Variants in SP140L observed in about 807,000 individuals in gnomAD.
SP140L encodes nuclear body protein SP140-like protein.
A neutral mutation model predicts 84.3 loss-of-function variants in SP140L; 64 were observed. The observed-to-expected ratio is 0.76, with a 90% confidence interval of 0.62 to 0.94. The LOEUF (loss-of-function observed/expected upper bound fraction) is 0.94, where lower values mean the gene tolerates loss of function less well. Ranked by LOEUF, SP140L falls within the 40% of genes least tolerant of loss-of-function variation. SP140L has a pLI of 0.00. For synonymous variants in SP140L, 242 were observed against 236.9 expected (o/e 1.02, Z -0.20); for missense variants, 628 against 692.5 (o/e 0.91, Z 1.05).
chr2:230,388,921 G>C (rs1395715761), intron 10 of SP140L: 1 of 252,730 alleles, frequency 4.0e-6, no homozygotes, highest in Non-Finnish European at 7.6e-6. Context: ...CTGTATAAAG[G>C]GTATAACCCG....
intron 2 of SP140L, among the ~76,000 whole-genome samples, chr2:230,347,411 C>T (rs1393639607): frequency 6.6e-6 from 1 of 151,972 alleles, no homozygotes; most frequent in East Asian, 1.9e-4. Context: ...TATCAGGTAC[C>T]TGGGTTTGGT....
At chr2:230,370,622 T>C (rs1441307249) in intron 5 of SP140L, among the ~76,000 whole-genome samples, 3 of 152,128 alleles carry the variant, frequency 2.0e-5, no homozygotes, top group Non-Finnish European at 4.4e-5. Context: ...TATGATGTGA[T>C]GTACCAAGTA....
chr2:230,360,742 T>C (rs2060688529), intron 4 of SP140L, among the ~76,000 whole-genome samples: 1 of 152,158 alleles, frequency 6.6e-6, no homozygotes, highest in African/African-American at 2.4e-5. Flanking sequence ...CACTGTCACC[T>C]GCCTGGGGCA....
rs549800273 is a variant in SP140L, at chr2:230,398,644, C to T, written c.1198-1483C>T. Among the ~76,000 whole-genome samples, 3 of 152,362 alleles carry T rather than the reference C, an allele frequency of 2.0e-5. No homozygotes were observed. In the South Asian group the frequency reaches 6.2e-4, roughly 32 times the overall value. On this transcript the variant is annotated intron_variant, in intron 14 of 18. Coordinates refer to ENST00000415673, the MANE Select transcript of SP140L (RefSeq NM_138402.6). ...GTCCACCTCTGAACGTGTATCCTCA[C>T]TGGGGAACCTGAAAATCCAGATCAC...
At chr2:230,367,759 C>T (rs1256336433) in intron 5 of SP140L, among the ~76,000 whole-genome samples, 1 of 152,186 alleles carries the variant, frequency 6.6e-6, no homozygotes, top group African/African-American at 2.4e-5. Context: ...TGGTAAAACA[C>T]CATCTCTATG....
intron 2 of SP140L, among the ~76,000 whole-genome samples, chr2:230,347,216 G>A (rs2060234532): frequency 6.6e-6 from 1 of 152,142 alleles, no homozygotes; most frequent in African/African-American, 2.4e-5. Context: ...CTCTTTGGTT[G>A]GGCAGGGCTA....
chr2:230,363,051 C>T (rs1327036003), intron 5 of SP140L, among the ~76,000 whole-genome samples: 1 of 152,108 alleles, frequency 6.6e-6, no homozygotes, highest in Non-Finnish European at 1.5e-5. Context: ...TTCAGCTTTA[C>T]AATGGCTTTA....
chr2:230,357,974 A>C lies in SP140L; in HGVS notation c.270+7A>C. ...CACAAATAAAATGTTTGAAGTAAGT[A>C]AAGTTTATTTCACAACCTGGCAGAT... On this transcript the variant is annotated splice_region_variant and intron_variant, in intron 3 of 18. Coordinates refer to ENST00000415673, the MANE Select transcript of SP140L (RefSeq NM_138402.6). 6.2e-7 allele frequency: 1 copy of C among 1,612,558 alleles called. No homozygotes were observed. The highest frequency in any genetic ancestry group is 8.5e-7 in the Non-Finnish European group (1 of 1,179,376).
At chr2:230,351,184 G>A (rs760314803) in intron 2 of SP140L, among the ~76,000 whole-genome samples, 30 of 152,140 alleles carry the variant, frequency 2.0e-4, no homozygotes, top group African/African-American at 6.8e-4. Flanking sequence ...AAAATTTAGC[G>A]GATGTTGCCA....
chr2:230,328,272 T>C (rs987862939), intron 1 of SP140L, among the ~76,000 whole-genome samples: 1 of 152,256 alleles, frequency 6.6e-6, no homozygotes, highest in African/African-American at 2.4e-5. Context: ...CACCACTCAC[T>C]TCGCCTTGTA....
intron 2 of SP140L, among the ~76,000 whole-genome samples, chr2:230,330,551 G>C (rs1026677843): frequency 7.9e-4 from 121 of 152,316 alleles, no homozygotes; most frequent in African/African-American, 2.9e-3. Context: ...TCAATTTGAA[G>C]AGAGCCGACA....
chr2:230,358,859 C>T, intron 3 of SP140L, 105 bp from the exon 4 acceptor site: 2 of 896,202 alleles, frequency 2.2e-6, no homozygotes, highest in African/African-American at 3.4e-5. Flanking sequence ...TGAGAAGATA[C>T]CTCTGAAGAG....
chr2:230,385,771 C>T lies in SP140L; in HGVS notation c.784+467C>T, dbSNP rs184770827. 1.4e-3 allele frequency among the ~76,000 whole-genome samples: 212 copies of T among 152,280 alleles called. 1 individual carries two copies. The highest frequency in any genetic ancestry group is 9.3e-3 in the East Asian group (48 of 5,178). ...GACCAAGTATTAAAACTCCAATGTC[C>T]TCCCCAGTTTAAAGCACCTTCCCTC... is the stretch of plus-strand genomic sequence containing the variant. On this transcript the variant is annotated intron_variant, in intron 9 of 18. Coordinates refer to ENST00000415673, the MANE Select transcript of SP140L (RefSeq NM_138402.6).
chr2:230,341,443 G>T (rs113597736), intron 2 of SP140L, among the ~76,000 whole-genome samples: 59,566 of 102,632 alleles, frequency 0.58, 18,370 homozygotes, highest in East Asian at 1. Context: ...TTGAATGTCC[G>T]CCCGTAGCTC....
At chr2:230,343,784 GATA>G (rs2060131960) in intron 2 of SP140L, among the ~76,000 whole-genome samples, 2 of 152,138 alleles carry the variant, frequency 1.3e-5, no homozygotes, top group South Asian at 4.1e-4. Context: ...ACCAGTGTGA[GATA>G]ATATCTCATG....
rs183670236 is a variant in SP140L at position 230,396,895 on chromosome 2, A to G, written c.1197+97A>G. The G allele has an allele frequency of 4.8e-4, 710 of 1,474,478 alleles. 5 individuals carry two copies. In the African/African-American group the frequency reaches 8.7e-3, roughly 18 times the overall value. The allele number at this position is 1,474,478 out of a possible 1,614,324, so 91.3% of individuals were successfully genotyped here. ...GACTGCTGTTGCCTGAAGCATGTTCAGTCTCAGTTGGAGTATGTGGCTGTG... is the reference window on the plus strand; with the variant it reads ...GACTGCTGTTGCCTGAAGCATGTTCGGTCTCAGTTGGAGTATGTGGCTGTG... On this transcript the variant is annotated intron_variant, in intron 14 of 18. Transcript: ENST00000415673.
intron 2 of SP140L, among the ~76,000 whole-genome samples, chr2:230,341,708 A>T (rs574175723): frequency 6.6e-6 from 1 of 151,634 alleles, no homozygotes; most frequent in East Asian, 1.9e-4. Flanking sequence ...TTTCCTTCTA[A>T]CAGAGAGGAC....
intron 2 of SP140L, among the ~76,000 whole-genome samples, chr2:230,342,448 A>G (rs111282164): frequency 0.12 from 18,300 of 152,006 alleles, 1,150 homozygotes; most frequent in Middle Eastern, 0.15. Context: ...GAAATCACCC[A>G]TCTTCTGCGT....
Position 230,379,893 on chromosome 2 carries a change from A to T in SP140L, c.638-3617A>T, listed in dbSNP as rs1377952827. Among the ~76,000 whole-genome samples the T allele has an allele frequency of 3.9e-5, 6 of 152,186 alleles. No homozygotes were observed. In the East Asian group the frequency reaches 7.7e-4, roughly 19 times the overall value. On this transcript the variant is annotated intron_variant, in intron 7 of 18. Transcript: ENST00000415673. Reference sequence around the variant, plus strand: ...AAGCTTTTTTCCCCAATTTTTAATCATGAAAATTTCAAGCATGCAGAAGTC... The same window carrying T: ...AAGCTTTTTTCCCCAATTTTTAATCTTGAAAATTTCAAGCATGCAGAAGTC...
Sources: allele counts gnomAD v4.1 joint callset (sites outside exome capture counted in the v4.1 genomes callset), GRCh38; gene constraint gnomAD v4.1.1; transcripts MANE v1.5; gene names NCBI Gene and HGNC (gene_info 2026-07-23, HGNC 2026-07-21).